Variants in TCEA1 observed in about 807,000 individuals in gnomAD.
TCEA1 encodes transcription elongation factor A1, also known as transcription elongation factor A protein 1.
A neutral mutation model predicts 43.8 loss-of-function variants in TCEA1; 21 were observed. The observed-to-expected ratio is 0.48, with a 90% confidence interval of 0.34 to 0.69. The LOEUF (loss-of-function observed/expected upper bound fraction) is 0.69, where lower values mean the gene tolerates loss of function less well. Ranked by LOEUF, TCEA1 falls within the 30% of genes least tolerant of loss-of-function variation. The pLI is 0.01. For synonymous variants in TCEA1, 104 were observed against 117.5 expected (o/e 0.88, Z 0.75); for missense variants, 250 against 365.1 (o/e 0.68, Z 2.57).
intron 1 of TCEA1, among the ~76,000 whole-genome samples, chr8:54,016,174 A>G (rs996379073): frequency 2.0e-5 from 3 of 152,238 alleles, no homozygotes; most frequent in African/African-American, 7.2e-5. Context: ...GTATACACCC[A>G]ACAGAAATGA....
At chr8:54,019,680 C>A (rs1335912931) in intron 1 of TCEA1, among the ~76,000 whole-genome samples, 1 of 151,826 alleles carries the variant, frequency 6.6e-6, no homozygotes, top group South Asian at 2.1e-4. Flanking sequence ...AATTCTACAA[C>A]CCCTAAAACA....
intron 1 of TCEA1, among the ~76,000 whole-genome samples, chr8:54,015,491 G>A (rs965914773): frequency 2.0e-5 from 3 of 152,022 alleles, no homozygotes; most frequent in Admixed American, 2.0e-4. Context: ...CTTAAACAAT[G>A]AATTATAGAT....
At chr8:53,978,692 A>G (rs1341819078) in intron 8 of TCEA1, 5 of 201,586 alleles carry the variant, frequency 2.5e-5, no homozygotes, top group Non-Finnish European at 5.2e-5. Context: ...AGTACAGTGC[A>G]AGACACTGTG....
chr8:54,008,849 A>ATT (rs1475756551), intron 2 of TCEA1, among the ~76,000 whole-genome samples: 2 of 147,768 alleles, frequency 1.4e-5, no homozygotes, highest in East Asian at 2.0e-4. Flanking sequence ...TTATTTATTT[A>ATT]TTTATTTTTT....
chr8:54,000,634 A>G (rs2129308843), intron 2 of TCEA1, among the ~76,000 whole-genome samples: 1 of 152,312 alleles, frequency 6.6e-6, no homozygotes, highest in African/African-American at 2.4e-5. Flanking sequence ...GAGCATCCAC[A>G]TTCATCAATC....
In TCEA1 at chr8:53,967,514, G is replaced by T. The variant is rs1232680224; in HGVS notation, c.*590C>A. On this transcript the variant is annotated 3_prime_UTR_variant, in exon 10 of 10. Transcript: ENST00000521604. Reference sequence around the variant, plus strand: ...AGAAATTACAAGAAATGATGATCACGGTTAGTTACAGATGCAAAATAATAT... The same window carrying T: ...AGAAATTACAAGAAATGATGATCACTGTTAGTTACAGATGCAAAATAATAT... 2 of 200,044 alleles carry T rather than the reference G, an allele frequency of 1.0e-5. No homozygotes were observed. The highest frequency in any genetic ancestry group is 2.1e-5 in the Non-Finnish European group (2 of 97,386). The allele number at this position is 200,044 out of a possible 1,614,324, so 12.4% of individuals were successfully genotyped here.
intron 5 of TCEA1, among the ~76,000 whole-genome samples, chr8:53,987,494 ACAGT>A (rs1275005352): frequency 6.6e-6 from 1 of 152,226 alleles, no homozygotes; most frequent in Non-Finnish European, 1.5e-5. Flanking sequence ...AATAAAAGAG[ACAGT>A]CAGGAAATCA....
At chr8:53,968,754 G>A (rs570778088) in intron 9 of TCEA1, among the ~76,000 whole-genome samples, 9 of 152,040 alleles carry the variant, frequency 5.9e-5, no homozygotes, top group Admixed American at 3.9e-4. Flanking sequence ...TCTTGAACCC[G>A]GGGCCACAGA....
Position 53,988,859 on chromosome 8 carries a change from T to C in TCEA1, c.321-600A>G, listed in dbSNP as rs146386254. On this transcript the variant is annotated intron_variant, in intron 4 of 9. Transcript: ENST00000521604. ...AGAGAGGCAGATCACTTGAGGCCAG[T>C]AGAGTTCAAATCCAGCCTGGGCAAA... Among the ~76,000 whole-genome samples, 26 of 152,168 alleles carry C rather than the reference T, an allele frequency of 1.7e-4. No homozygotes were observed. The East Asian group carries it at 4.4e-3, about 26-fold the overall frequency.
At chr8:53,984,898 C>T (rs1418309262) in intron 6 of TCEA1, among the ~76,000 whole-genome samples, 1 of 151,850 alleles carries the variant, frequency 6.6e-6, no homozygotes, top group Non-Finnish European at 1.5e-5. Context: ...AAAAACAAAC[C>T]TGAAATTTCT....
At chr8:54,010,250 T>C in intron 2 of TCEA1, 180 bp downstream of exon 2, 1 of 540,368 alleles carries the variant, frequency 1.9e-6, no homozygotes. Context: ...AAGGCGACAT[T>C]GCTCTATAAT....
chr8:54,010,940 T>A (rs1182191924), intron 1 of TCEA1, among the ~76,000 whole-genome samples: 1 of 152,006 alleles, frequency 6.6e-6, no homozygotes, highest in Non-Finnish European at 1.5e-5. Context: ...CTCAGCCTCC[T>A]GAGTAGGTGA....
chr8:53,993,658 T>C lies in TCEA1; in HGVS notation c.320+10A>G, dbSNP rs914188874. 5.0e-6 allele frequency: 8 copies of C among 1,604,252 alleles called. No homozygotes were observed. In the South Asian group the frequency reaches 7.8e-5, roughly 16 times the overall value. ...TTTCAATATAAATATATGTCTATACTGTGAAGTACCTTTCTTCTCTTGCCT... is the reference window on the plus strand; with the variant it reads ...TTTCAATATAAATATATGTCTATACCGTGAAGTACCTTTCTTCTCTTGCCT... On this transcript the variant is annotated intron_variant, in intron 4 of 9. Coordinates refer to ENST00000521604, the MANE Select transcript of TCEA1 (RefSeq NM_006756.4).
chr8:53,973,440 G>T, intron 8 of TCEA1: 1 of 499,284 alleles, frequency 2.0e-6, no homozygotes, highest in Non-Finnish European at 3.8e-6. Context: ...TCCCTCTGAT[G>T]TTGATATGAA....
intron 4 of TCEA1, among the ~76,000 whole-genome samples, chr8:53,992,590 G>A (rs550524067): frequency 7.0e-4 from 106 of 152,210 alleles, no homozygotes; most frequent in Non-Finnish European, 1.2e-3. Context: ...CAGAGTGGGC[G>A]GCAGAGCAAG....
chr8:53,969,093 C>T (rs1803075684), intron 9 of TCEA1, among the ~76,000 whole-genome samples: 1 of 152,130 alleles, frequency 6.6e-6, no homozygotes, highest in Non-Finnish European at 1.5e-5. Flanking sequence ...AGTTCAAGAG[C>T]AGCCTGGCCA....
chr8:53,973,010 A>G (rs1026040967), intron 8 of TCEA1: 2 of 672,014 alleles, frequency 3.0e-6, no homozygotes, highest in East Asian at 5.9e-5. Context: ...ACTGAACATG[A>G]AAGAATTACA....
At chr8:53,995,803 T>C (rs1804035773) in intron 3 of TCEA1, among the ~76,000 whole-genome samples, 6 of 152,224 alleles carry the variant, frequency 3.9e-5, no homozygotes, top group Admixed American at 3.3e-4. Context: ...TGAGAATCAC[T>C]GATAAGAGAA....
At chr8:53,988,575 GATCTTGGT>G (rs1308856904) in intron 4 of TCEA1, among the ~76,000 whole-genome samples, 1 of 152,138 alleles carries the variant, frequency 6.6e-6, no homozygotes, top group Non-Finnish European at 1.5e-5. Context: ...GAAAAGCAAT[GATCTTGGT>G]ATAAGGAGAG....
Sources: allele counts gnomAD v4.1 joint callset (sites outside exome capture counted in the v4.1 genomes callset), GRCh38; gene constraint gnomAD v4.1.1; transcripts MANE v1.5; gene names NCBI Gene and HGNC (gene_info 2026-07-23, HGNC 2026-07-21).